Variants in LHFPL2 observed in about 807,000 individuals in gnomAD.
The protein encoded by LHFPL2 is LHFPL tetraspan subfamily member 2 protein.
A neutral mutation model predicts 17.5 loss-of-function variants in LHFPL2; 7 were observed. The observed-to-expected ratio is 0.40, with a 90% CI of 0.23 to 0.75. The LOEUF (loss-of-function observed/expected upper bound fraction) is 0.75, where lower values mean the gene tolerates loss of function less well. Ranked by LOEUF, LHFPL2 falls within the 30% of genes least tolerant of loss-of-function variation. LHFPL2 has a pLI of 0.37. For missense variants in LHFPL2, 241 were observed against 294.8 expected (o/e 0.82, Z 1.34); for synonymous variants, 134 against 116.2 (o/e 1.15, Z -0.99).
chr5:78,557,250 G>A (rs1458975472), intron 3 of LHFPL2, among the ~76,000 whole-genome samples: 1 of 152,174 alleles, frequency 6.6e-6, no homozygotes, highest in African/African-American at 2.4e-5. Context: ...GCTTCTAGGG[G>A]TTTGCCCCAA....
intron 2 of LHFPL2, among the ~76,000 whole-genome samples, chr5:78,576,235 C>T (rs888122176): frequency 2.0e-5 from 3 of 151,072 alleles, no homozygotes; most frequent in Non-Finnish European, 4.4e-5. Flanking sequence ...GCGGAGCTTG[C>T]AGTGAGCCGA....
chr5:78,557,774 G>A (rs908635032), intron 3 of LHFPL2, among the ~76,000 whole-genome samples: 1 of 152,092 alleles, frequency 6.6e-6, no homozygotes, highest in South Asian at 2.1e-4. Flanking sequence ...GTAACATAAG[G>A]TACAGAGATG....
chr5:78,531,679 G>A (rs1465461488), intron 3 of LHFPL2, among the ~76,000 whole-genome samples: 9 of 152,082 alleles, frequency 5.9e-5, no homozygotes, highest in Non-Finnish European at 1.2e-4. Flanking sequence ...CGGCTCAAAA[G>A]CCTACATTTC....
At chr5:78,527,686 A>T (rs1755661222) in intron 3 of LHFPL2, among the ~76,000 whole-genome samples, 1 of 150,302 alleles carries the variant, frequency 6.7e-6, no homozygotes, top group Admixed American at 6.6e-5. Flanking sequence ...CTTCACAAAG[A>T]AAAAAAAAAG....
At chr5:78,510,734 G>A (rs1331953934) in intron 3 of LHFPL2, among the ~76,000 whole-genome samples, 2 of 152,210 alleles carry the variant, frequency 1.3e-5, no homozygotes, top group Non-Finnish European at 2.9e-5. Flanking sequence ...ATCTTTTACT[G>A]GAAAAAGTCA....
At chr5:78,496,163 G>T (rs1284661490) in intron 4 of LHFPL2, among the ~76,000 whole-genome samples, 1 of 152,190 alleles carries the variant, frequency 6.6e-6, no homozygotes, top group Non-Finnish European at 1.5e-5. Flanking sequence ...TCTCAACCCT[G>T]ATGATACAAC....
rs148783295 is a variant in LHFPL2 at position 78,499,208 on chromosome 5, A to G, written c.431-10055T>C. 2.4e-3 allele frequency among the ~76,000 whole-genome samples: 363 copies of G among 152,352 alleles called. 2 individuals carry two copies. The highest frequency in any genetic ancestry group is 8.3e-3 in the African/African-American group (344 of 41,590). ...AAACACCCTCCCCCAAATTTATAAT[A>G]TACATTCACAATGGATACTTTAGTT... On this transcript the variant is annotated intron_variant, in intron 4 of 4. Coordinates refer to ENST00000380345, the MANE Select transcript of LHFPL2 (RefSeq NM_005779.3).
At chr5:78,609,468 AAAAAAAAAG>A (rs1330951502) in intron 2 of LHFPL2, among the ~76,000 whole-genome samples, 2,408 of 150,186 alleles carry the variant, frequency 0.016, 87 homozygotes, top group African/African-American at 0.055. Context: ...AAAAAAAAAA[AAAAAAAAAG>A]AGAGAGAGCT....
intron 4 of LHFPL2, among the ~76,000 whole-genome samples, chr5:78,497,399 G>C (rs888429980): frequency 6.6e-6 from 1 of 151,958 alleles, no homozygotes; most frequent in Admixed American, 6.6e-5. Context: ...CCTTCTCCTG[G>C]CTCCTCTACC....
At chr5:78,538,460 G>A (rs773343854) in intron 3 of LHFPL2, among the ~76,000 whole-genome samples, 17 of 152,156 alleles carry the variant, frequency 1.1e-4, no homozygotes, top group East Asian at 1.9e-4. Context: ...ACATGTCAAC[G>A]TGACAACAGG....
Position 78,629,343 on chromosome 5 carries a change from C to A in LHFPL2, c.-245+2921G>T, listed in dbSNP as rs554841274. Among the ~76,000 whole-genome samples the A allele has an allele frequency of 2.0e-5, 3 of 152,312 alleles. No individual in the cohort carries two copies. In the East Asian group the frequency reaches 5.8e-4, roughly 29 times the overall value. ...TACCTGTACGTTTTCCTGAAATCAA[C>A]AACAAAACCCCTACAGTAGGTAAGA... is the stretch of plus-strand genomic sequence containing the variant. On this transcript the variant is annotated intron_variant, in intron 2 of 4. Transcript: ENST00000380345.
chr5:78,486,069 TTGTG>T lies in LHFPL2; in HGVS notation c.*2824_*2827del, dbSNP rs1443201943. ...GTTATTGCACATCTTTCACACAAACTTGTGTATGTATAATATACATATATATTTT... is the reference window on the plus strand; with the variant it reads ...GTTATTGCACATCTTTCACACAAACTTATGTATAATATACATATATATTTT... On this transcript the variant is annotated 3_prime_UTR_variant, in exon 5 of 5. Transcript: ENST00000380345. 5.9e-5 allele frequency: 9 copies of T among 152,600 alleles called. No individual in the cohort carries two copies. The highest frequency in any genetic ancestry group is 2.1e-4 in the South Asian group (1 of 4,828). 9.5% of individuals were successfully genotyped at this position (152,600 alleles called of 1,614,324 possible). A position where few individuals can be genotyped will look rare whatever the true frequency, so the allele number is the denominator to read the frequency against.
chr5:78,516,531 ATCG>A (rs1240218045), intron 3 of LHFPL2, among the ~76,000 whole-genome samples: 1 of 152,170 alleles, frequency 6.6e-6, no homozygotes, highest in Non-Finnish European at 1.5e-5. Flanking sequence ...AAATGTCAGT[ATCG>A]TCAATGTTGA....
intron 3 of LHFPL2, among the ~76,000 whole-genome samples, chr5:78,540,620 G>C (rs1054234776): frequency 2.6e-5 from 4 of 152,254 alleles, no homozygotes; most frequent in Admixed American, 6.5e-5. Context: ...ATGCGTGGGA[G>C]AATTCCTGGC....
chr5:78,508,389 C>T (rs575163032), intron 4 of LHFPL2, among the ~76,000 whole-genome samples: 1 of 152,190 alleles, frequency 6.6e-6, no homozygotes, highest in Admixed American at 6.5e-5. Context: ...CCCTTTGGGC[C>T]AGAAAGTTTA....
intron 2 of LHFPL2, among the ~76,000 whole-genome samples, chr5:78,572,883 T>C (rs1028739070): frequency 3.9e-5 from 6 of 152,172 alleles, no homozygotes; most frequent in Non-Finnish European, 8.8e-5. Flanking sequence ...CCTTAGATCA[T>C]CAGGCATTAG....
At chr5:78,563,361 A>T (rs1003289977) in intron 3 of LHFPL2, among the ~76,000 whole-genome samples, 1 of 152,158 alleles carries the variant, frequency 6.6e-6, no homozygotes, top group Non-Finnish European at 1.5e-5. Context: ...TAGAAAATTA[A>T]TTTCTCCCAC....
intron 2 of LHFPL2, among the ~76,000 whole-genome samples, chr5:78,579,996 C>A (rs1743050968): frequency 6.6e-6 from 1 of 152,230 alleles, no homozygotes. Flanking sequence ...TTCTCCACAT[C>A]CTCTCCAGCA....
intron 2 of LHFPL2, among the ~76,000 whole-genome samples, chr5:78,592,872 G>T (rs1451402810): frequency 6.6e-6 from 1 of 152,174 alleles, no homozygotes; most frequent in Non-Finnish European, 1.5e-5. Flanking sequence ...AGAATGAGGA[G>T]TTATTGTTTC....
Sources: allele counts gnomAD v4.1 joint callset (sites outside exome capture counted in the v4.1 genomes callset), GRCh38; gene constraint gnomAD v4.1.1; transcripts MANE v1.5; gene names NCBI Gene and HGNC (gene_info 2026-07-23, HGNC 2026-07-21).